The following SLC66A1 variants were observed in gnomAD, a reference collection of about 807,000 sequenced individuals.
The protein encoded by SLC66A1 is lysosomal amino acid transporter 1 homolog.
SLC66A1 carries 23 observed loss-of-function variants against 33.0 expected under a neutral mutation model. The observed-to-expected ratio is 0.70, with a 90% CI of 0.50 to 0.99. SLC66A1 has a LOEUF of 0.99. SLC66A1 is among the 50% of genes least tolerant of loss of function. The pLI is 0.00. For synonymous variants in SLC66A1, 164 were observed against 175.5 expected (o/e 0.93, Z 0.52); for missense variants, 335 against 383.6 (o/e 0.87, Z 1.06).
At position 19,326,598 on chromosome 1, in the gene SLC66A1, C is replaced by A; in HGVS notation, c.593C>A (p.Ser198Tyr). ...GSISSVLYLLSRLPQIRTNFL... is the reference protein window; with the variant it reads ...GSISSVLYLLYRLPQIRTNFL... ...ATCTCCAGCGTGTTGTACCTGCTTTCCCGGCTGCCTCAGATCCGCACCAAC... is the reference window on the plus strand; with the variant it reads ...ATCTCCAGCGTGTTGTACCTGCTTTACCGGCTGCCTCAGATCCGCACCAAC... Residue 198 changes from serine to tyrosine, a missense_variant, in exon 6 of 8, where the codon TCC becomes TAC. By Grantham distance (144) the Ser-to-Tyr change is moderately radical. Coordinates refer to ENST00000375153, the MANE Select transcript of SLC66A1 (RefSeq NM_001040125.2). 2.5e-6 allele frequency: 4 copies of A among 1,614,222 alleles called. No homozygotes were observed. Among genetic ancestry groups the A allele is most frequent in the Non-Finnish European group, 3.4e-6 (4 of 1,180,046 alleles).
chr1:19,325,675 T>G (rs1393156766), intron 4 of SLC66A1, 93 bp downstream of exon 4: 30 of 1,109,666 alleles, frequency 2.7e-5, no homozygotes, highest in Non-Finnish European at 3.8e-5. Flanking sequence ...GAAGCGGGTT[T>G]CCCATGGCTG....
intron 3 of SLC66A1, among the ~76,000 whole-genome samples, chr1:19,325,206 G>C (rs1273426734): frequency 6.6e-6 from 1 of 152,208 alleles, no homozygotes; most frequent in Non-Finnish European, 1.5e-5. Context: ...GGCCAAACCA[G>C]AGCCATCACT....
intron 1 of SLC66A1, among the ~76,000 whole-genome samples, chr1:19,313,359 TTC>T (rs2093787790): frequency 6.6e-6 from 1 of 152,196 alleles, no homozygotes; most frequent in Non-Finnish European, 1.5e-5. Context: ...CACTCTGTCC[TTC>T]TCTCTACCTC....
chr1:19,328,158 T>TAAACATA lies in SLC66A1; in HGVS notation c.805-408_805-407insAAAACAT. On this transcript the variant is annotated intron_variant, in intron 7 of 7. Transcript: ENST00000375153. The surrounding 1 kb of genome is among the most constrained non-coding windows in gnomAD (Gnocchi z 4.7). ...TACCTGGGTCTCATTTCGGAGCAAG[T>TAAACATA]AAACATGGCCTTTGTTTTAATATTT... 3.3e-6 allele frequency: 1 copy of TAAACATA among 303,570 alleles called. No homozygotes were observed. 18.8% of individuals were successfully genotyped at this position (303,570 alleles called of 1,614,324 possible).
At chr1:19,315,182 T>C (rs529039592) in intron 1 of SLC66A1, among the ~76,000 whole-genome samples, 14 of 151,896 alleles carry the variant, frequency 9.2e-5, no homozygotes, top group African/African-American at 2.2e-4. Flanking sequence ...GTGCTGGGAT[T>C]ACAGGTGTGA....
At chr1:19,320,516 C>T (rs1488884065) in intron 2 of SLC66A1, among the ~76,000 whole-genome samples, 1 of 150,040 alleles carries the variant, frequency 6.7e-6, no homozygotes. Flanking sequence ...CGGGTTCACG[C>T]CATTCTCCTG....
At chr1:19,332,022 C>T (rs900369272), downstream of SLC66A1, among the ~76,000 whole-genome samples, 1 of 152,160 alleles carries the variant, frequency 6.6e-6, no homozygotes, top group Non-Finnish European at 1.5e-5. Flanking sequence ...CGATACAGCC[C>T]CTACCTTCAG....
downstream of SLC66A1, among the ~76,000 whole-genome samples, chr1:19,333,248 C>G (rs960083792): frequency 6.6e-6 from 1 of 152,154 alleles, no homozygotes; most frequent in Non-Finnish European, 1.5e-5. This position sits in a 1 kb window ranked among gnomAD's most constrained non-coding sequence, Gnocchi z 4.2. Flanking sequence ...CACTCCGTCA[C>G]CCAGGCTGGA....
chr1:19,327,082 G>T (rs1482758343), intron 6 of SLC66A1, 145 bp from the exon 7 acceptor site: 2 of 827,592 alleles, frequency 2.4e-6, no homozygotes. Context: ...TCTTCTGTGT[G>T]TCGGGCCCAT....
downstream of SLC66A1, among the ~76,000 whole-genome samples, chr1:19,330,557 T>A (rs1030491973): frequency 1.2e-4 from 18 of 151,028 alleles, no homozygotes; most frequent in African/African-American, 3.9e-4. Flanking sequence ...CCCAGGAGGG[T>A]CAATCAGGGA....
At chr1:19,315,509 G>A (rs1039060875) in intron 1 of SLC66A1, among the ~76,000 whole-genome samples, 2 of 152,136 alleles carry the variant, frequency 1.3e-5, no homozygotes, top group East Asian at 1.9e-4. Context: ...TTTCCCTCCC[G>A]GTGCTCCCTG....
chr1:19,315,007 A>G (rs969207217), intron 1 of SLC66A1, among the ~76,000 whole-genome samples: 1 of 152,092 alleles, frequency 6.6e-6, no homozygotes, highest in East Asian at 1.9e-4. Flanking sequence ...TCCTGGGTTC[A>G]AGTGATTCTC....
In SLC66A1 at chr1:19,328,670, C is replaced by G. The variant is rs773371220; in HGVS notation, c.*27C>G. ...CAGAACCAGGCTGAGCGCAGGAGGA[C>G]AGGCACCACCGGATGCCACACCAGG... On this transcript the variant is annotated 3_prime_UTR_variant, in exon 8 of 8. Transcript: ENST00000375153. The surrounding 1 kb of genome is among the most constrained non-coding windows in gnomAD (Gnocchi z 4.7). 10 of 1,609,036 alleles carry G rather than the reference C, an allele frequency of 6.2e-6. No homozygotes were observed. The highest frequency in any genetic ancestry group is 1.7e-5 in the Admixed American group (1 of 59,886).
chr1:19,333,848 G>A (rs1272430230), downstream of SLC66A1, among the ~76,000 whole-genome samples: 2 of 152,072 alleles, frequency 1.3e-5, no homozygotes, highest in African/African-American at 4.8e-5. This position sits in a 1 kb window ranked among gnomAD's most constrained non-coding sequence, Gnocchi z 4.2. Flanking sequence ...AGGCTGCAGT[G>A]AGTCAAGACA....
intron 2 of SLC66A1, among the ~76,000 whole-genome samples, chr1:19,324,355 G>A (rs1393235895): frequency 6.6e-6 from 1 of 152,232 alleles, no homozygotes; most frequent in Non-Finnish European, 1.5e-5. Flanking sequence ...GAGACCCCAG[G>A]GTGTGGTAGA....
At chr1:19,325,678 C>T (rs2093861902) in intron 4 of SLC66A1, 96 bp downstream of exon 4, 6 of 1,081,008 alleles carry the variant, frequency 5.6e-6, no homozygotes, top group Non-Finnish European at 8.1e-6. Flanking sequence ...GCGGGTTTCC[C>T]ATGGCTGGGT....
At chr1:19,331,115 G>A (rs1216860837), downstream of SLC66A1, among the ~76,000 whole-genome samples, 5 of 152,176 alleles carry the variant, frequency 3.3e-5, no homozygotes, top group East Asian at 1.9e-4. Flanking sequence ...GGGTTCGAGC[G>A]ATTCTCCTGC....
Position 19,326,405 on chromosome 1 carries a change from C to A in SLC66A1, c.525+18C>A. The stretch of plus-strand genomic sequence containing the variant: ...GCAGCAAGGTGAGGCGTGGGCGTGG[C>A]GGTCGAAGGGATGGAGGCTGGCTCA... On this transcript the variant is annotated intron_variant, in intron 5 of 7. Transcript: ENST00000375153. 1 of 1,604,406 alleles carries A rather than the reference C, an allele frequency of 6.2e-7. No homozygotes were observed. Among genetic ancestry groups the A allele is most frequent in the African/African-American group, 1.3e-5 (1 of 74,994 alleles).
chr1:19,320,637 G>C lies in SLC66A1; in HGVS notation c.164+2796G>C, dbSNP rs370012893. Among the ~76,000 whole-genome samples the C allele has an allele frequency of 2.0e-4, 30 of 151,636 alleles. 1 individual carries two copies. Among genetic ancestry groups the C allele is most frequent in the African/African-American group, 6.8e-4 (28 of 41,270 alleles). On this transcript the variant is annotated intron_variant, in intron 2 of 7. Transcript: ENST00000375153. Reference sequence around the variant, plus strand: ...TCACCGTGTTAGCCAGGATGGTCTCGATTTCCTGACCTTGTGATCCGCCCG... The same window carrying C: ...TCACCGTGTTAGCCAGGATGGTCTCCATTTCCTGACCTTGTGATCCGCCCG...
Sources: gnomAD v4.1 joint callset for allele counts (sites outside exome capture counted in the v4.1 genomes callset) on GRCh38, gnomAD v4.1.1 for gene constraint, Gnocchi (gnomAD v3.1) non-coding constraint, MANE v1.5 for transcripts, NCBI Gene and HGNC (gene_info 2026-07-23, HGNC 2026-07-21) for gene names.